SERPINB8: variants seen among roughly 807,000 people sequenced by gnomAD.
SERPINB8 encodes serpin B8.
Under a neutral mutation model 35.3 loss-of-function variants are expected in SERPINB8, and 25 were observed. The observed-to-expected ratio is 0.71, with a 90% CI of 0.52 to 0.99. The LOEUF (loss-of-function observed/expected upper bound fraction) is 0.99, where lower values mean the gene tolerates loss of function less well. SERPINB8 is among the 50% of genes least tolerant of loss of function. SERPINB8 has a pLI of 0.00. For synonymous variants in SERPINB8, 186 were observed against 160.8 expected, an observed-to-expected ratio of 1.16 and a Z score of -1.19; for missense variants, 484 against 446.5, an observed-to-expected ratio of 1.08 and a Z score of -0.76.
exon 2 of SERPINB8, chr18:64,005,586 A>C (rs540206396): frequency 5.3e-5 from 8 of 152,226 alleles, no homozygotes; most frequent in Non-Finnish European, 1.2e-4. Flanking sequence ...CTTACCAGAC[A>C]TCAAATATAA....
At chr18:63,995,056 A>G (rs770419322) in intron 1 of SERPINB8, among the ~76,000 whole-genome samples, 4 of 152,168 alleles carry the variant, frequency 2.6e-5, no homozygotes, top group Non-Finnish European at 4.4e-5. Flanking sequence ...AGGGGCTCTC[A>G]AAGGAGGAGA....
chr18:63,990,075 T>TTG (rs1555715834), downstream of SERPINB8, among the ~76,000 whole-genome samples: 2 of 148,472 alleles, frequency 1.3e-5, no homozygotes, highest in Admixed American at 6.6e-5. Context: ...TTTCGTGTTT[T>TTG]TTTTTTTTTT....
At position 63,988,723 on chromosome 18, in the gene SERPINB8, T is replaced by G. The variant is rs898319832; in HGVS notation, c.*1445T>G. Reference sequence around the variant, plus strand: ...GAACCATTCATATTACAGCTCTTACTTAAATTTGACCAAGCCAGGATATAT... The same window carrying G: ...GAACCATTCATATTACAGCTCTTACGTAAATTTGACCAAGCCAGGATATAT... On this transcript the variant is annotated 3_prime_UTR_variant, in exon 7 of 7. Coordinates refer to ENST00000397985, the MANE Select transcript of SERPINB8 (RefSeq NM_002640.4). 4 of 152,312 alleles carry G rather than the reference T, an allele frequency of 2.6e-5. No individual in the cohort carries two copies. Among genetic ancestry groups the G allele is most frequent in the Non-Finnish European group, 4.4e-5 (3 of 68,018 alleles). 9.4% of individuals were successfully genotyped at this position (152,312 alleles called of 1,614,324 possible). A position where few individuals can be genotyped will look rare whatever the true frequency, so the allele number is the denominator to read the frequency against.
At chr18:64,005,590 A>G (rs574493003) in exon 2 of SERPINB8, 5 of 152,348 alleles carry the variant, frequency 3.3e-5, no homozygotes, top group Admixed American at 6.5e-5. Flanking sequence ...CCAGACATCA[A>G]ATATAATGGT....
intron 1 of SERPINB8, among the ~76,000 whole-genome samples, chr18:63,999,045 C>G (rs184029698): frequency 6.2e-4 from 94 of 152,334 alleles, no homozygotes; most frequent in African/African-American, 2.2e-3. Flanking sequence ...GCCCATGTCA[C>G]AGTCAATGAG....
chr18:64,019,354 C>T (rs1260684327), exon 8 of SERPINB8: 1 of 152,248 alleles, frequency 6.6e-6, no homozygotes, highest in Admixed American at 6.5e-5. Flanking sequence ...CTGTCTTCAT[C>T]TCTCTGTACC....
At chr18:63,978,111 A>G (rs1199861830) in intron 1 of SERPINB8, among the ~76,000 whole-genome samples, 188 bp from the exon 2 acceptor site, 2 of 152,182 alleles carry the variant, frequency 1.3e-5, no homozygotes, top group Non-Finnish European at 2.9e-5. Context: ...TTAACTGAAT[A>G]CCATTTGCAA....
At chr18:64,014,530 G>T (rs2050940853) in intron 7 of SERPINB8, among the ~76,000 whole-genome samples, 1 of 152,100 alleles carries the variant, frequency 6.6e-6, no homozygotes, top group African/African-American at 2.4e-5. Flanking sequence ...GAGAGTGTGG[G>T]CTGAGCATCC....
intron 5 of SERPINB8, 93 bp downstream of exon 5, chr18:63,983,814 A>T: frequency 1.1e-6 from 1 of 902,998 alleles, no homozygotes; most frequent in South Asian, 1.6e-5. Flanking sequence ...ATTTGACATG[A>T]TCTTGATTTT....
chr18:63,996,456 C>A (rs1277202812), intron 1 of SERPINB8, among the ~76,000 whole-genome samples: 1 of 152,196 alleles, frequency 6.6e-6, no homozygotes, highest in Non-Finnish European at 1.5e-5. Flanking sequence ...TCAGCATCCT[C>A]CCACACGGAG....
downstream of SERPINB8, among the ~76,000 whole-genome samples, chr18:64,006,684 CTA>C (rs1445745015): frequency 6.6e-6 from 1 of 152,160 alleles, no homozygotes; most frequent in Non-Finnish European, 1.5e-5. Flanking sequence ...TGGAAATACT[CTA>C]TGTCTTGATC....
downstream of SERPINB8, among the ~76,000 whole-genome samples, chr18:64,009,978 TA>T (rs1371582433): frequency 6.6e-6 from 1 of 152,008 alleles, no homozygotes; most frequent in Non-Finnish European, 1.5e-5. Context: ...AAATATATCA[TA>T]AAAATTATAA....
intron 5 of SERPINB8, among the ~76,000 whole-genome samples, chr18:63,984,703 A>G (rs1331921349): frequency 6.6e-6 from 1 of 152,224 alleles, no homozygotes; most frequent in Non-Finnish European, 1.5e-5. Flanking sequence ...TGGACCGTAC[A>G]TCTTTTCTAA....
chr18:63,977,059 G>C (rs746400044), intron 1 of SERPINB8, among the ~76,000 whole-genome samples: 1 of 152,066 alleles, frequency 6.6e-6, no homozygotes, highest in African/African-American at 2.4e-5. Context: ...ACATATATAA[G>C]TTTTAGAACA....
chr18:64,011,167 T>C (rs1460967), intron 7 of SERPINB8, among the ~76,000 whole-genome samples: 100,554 of 151,756 alleles, frequency 0.66, 33,679 homozygotes, highest in African/African-American at 0.75. Flanking sequence ...AGATTGGAAA[T>C]GAACAGCAGT....
At chr18:63,992,745 T>C (rs139188817), downstream of SERPINB8, among the ~76,000 whole-genome samples, 729 of 152,254 alleles carry the variant, frequency 4.8e-3, 9 homozygotes, top group African/African-American at 0.017. Context: ...AAGAGTATAT[T>C]TGGAAGAAGG....
At chr18:63,973,283 T>C (rs923669712) in intron 1 of SERPINB8, among the ~76,000 whole-genome samples, 4 of 152,266 alleles carry the variant, frequency 2.6e-5, no homozygotes, top group Admixed American at 6.5e-5. Context: ...CCTGCATAAA[T>C]GTCTTCCTTT....
In SERPINB8 at chr18:63,978,375, G is replaced by A; in HGVS notation, c.67G>A (p.Asp23Asn). 6.2e-7 allele frequency: 1 copy of A among 1,614,190 alleles called. No homozygotes were observed. Among genetic ancestry groups the A allele is most frequent in the Non-Finnish European group, 8.5e-7 (1 of 1,180,038 alleles). Residue 23 changes from aspartate (D) to asparagine (N), a missense_variant, in exon 2 of 7, where the codon GAC (aspartate) becomes AAC (asparagine). Asp to Asn is a conservative substitution (Grantham distance 23, BLOSUM62 1). Transcript: ENST00000397985. ...CTTATTTAAAATATTGGGGGAAGAGGACAACTCAAGAAACGTATTCTTCTC... is the reference window on the plus strand; with the variant it reads ...CTTATTTAAAATATTGGGGGAAGAGAACAACTCAAGAAACGTATTCTTCTC... The part of the protein sequence containing the change: ...ISLFKILGEE[D>N]NSRNVFFSPM...
At chr18:64,016,881 T>C (rs1160933091) in intron 7 of SERPINB8, among the ~76,000 whole-genome samples, 1 of 152,178 alleles carries the variant, frequency 6.6e-6, no homozygotes, top group Non-Finnish European at 1.5e-5. Flanking sequence ...TTATTAGAAG[T>C]AGTAACAGAG....
Sources: gnomAD v4.1 joint callset for allele counts (sites outside exome capture counted in the v4.1 genomes callset) on GRCh38, gnomAD v4.1.1 for gene constraint, MANE v1.5 for transcripts, NCBI Gene and HGNC (gene_info 2026-07-23, HGNC 2026-07-21) for gene names.